Variants in CCDC7 observed in about 807,000 individuals in gnomAD.
CCDC7 encodes coiled-coil domain-containing protein 7.
A neutral mutation model predicts 196.9 loss-of-function variants in CCDC7; 183 were observed. That is an observed-to-expected ratio of 0.93 (90% confidence interval 0.82 to 1.05). The LOEUF (loss-of-function observed/expected upper bound fraction) is 1.05. Among genes scored for constraint, CCDC7 ranks in the 50% least tolerant of loss-of-function variants. The pLI, the probability that CCDC7 is intolerant of heterozygous loss-of-function variation, is 0.00. For missense variants in CCDC7, 1,540 were observed against 1,482.2 expected, an observed-to-expected ratio of 1.04 and a Z score of -0.64; for synonymous variants, 525 against 484.6, an observed-to-expected ratio of 1.08 and a Z score of -1.10.
At chr10:32,692,237 C>T (rs2077171525) in intron 23 of CCDC7, among the ~76,000 whole-genome samples, 1 of 152,122 alleles carries the variant, frequency 6.6e-6, no homozygotes, top group East Asian at 1.9e-4. Flanking sequence ...GAGTCTCCAA[C>T]TTTTTTGAGC....
chr10:32,846,303 T>A (rs2093289782), intron 36 of CCDC7, 73 bp from the exon 38 acceptor site: 3 of 877,528 alleles, frequency 3.4e-6, no homozygotes, highest in Admixed American at 4.8e-5. Flanking sequence ...TATAATTAGT[T>A]AAACACACAC....
chr10:32,830,666 A>G lies in CCDC7; in HGVS notation c.3269-4149A>G, dbSNP rs150123171. ...ATGTTTTAGTGCATGTAAAAAGGAA[A>G]TTCTAGCGTTGATAGTACAATAACT... On this transcript the variant is annotated intron_variant, in intron 32 of 41. Transcript: ENST00000639629. 2.5e-4 allele frequency among the ~76,000 whole-genome samples: 38 copies of G among 152,294 alleles called. No individual in the cohort carries two copies. In the East Asian group the frequency reaches 6.8e-3, roughly 27 times the overall value.
rs576920582 is a variant in CCDC7 at position 32,731,114 on chromosome 10, A to C, written c.2905+1657A>C. ...ACTGTCCATTTTCCTTATACTGTCT[A>C]TGTTATTAGATGTATACAAATAAAA... On this transcript the variant is annotated intron_variant, in intron 28 of 41. Transcript: ENST00000639629. 4.6e-5 allele frequency among the ~76,000 whole-genome samples: 7 copies of C among 152,132 alleles called. No individual in the cohort carries two copies. The South Asian group carries it at 1.5e-3, about 32-fold the overall frequency.
chr10:32,743,455 T>C lies in CCDC7; in HGVS notation c.2905+13998T>C, dbSNP rs560533795. Among the ~76,000 whole-genome samples the C allele has an allele frequency of 1.4e-3, 218 of 152,334 alleles. 1 individual carries two copies. Among genetic ancestry groups the C allele is most frequent in the African/African-American group, 5.0e-3 (207 of 41,580 alleles). On this transcript the variant is annotated intron_variant, in intron 28 of 41. Transcript: ENST00000639629. ...TGGCTTTTGCTGCCATTGCCTTTGG[T>C]GTTTTAGACATGAAGTCCTTGCCCA...
At chr10:32,860,452 G>C (rs2093937930) in intron 41 of CCDC7, among the ~76,000 whole-genome samples, 1 of 152,114 alleles carries the variant, frequency 6.6e-6, no homozygotes, top group Admixed American at 6.6e-5. Flanking sequence ...GCTACAGCCA[G>C]TATCACACTG....
intron 29 of CCDC7, among the ~76,000 whole-genome samples, chr10:32,795,390 T>G (rs1294127678): frequency 6.6e-6 from 1 of 152,200 alleles, no homozygotes; most frequent in Non-Finnish European, 1.5e-5. Flanking sequence ...GCAAATGTAT[T>G]TCTCAGCGCC....
chr10:32,486,351 T>C (rs547397158), intron 8 of CCDC7, among the ~76,000 whole-genome samples: 1 of 151,864 alleles, frequency 6.6e-6, no homozygotes, highest in African/African-American at 2.4e-5. Flanking sequence ...ATTTGCTTGG[T>C]AGATCTTCCT....
intron 12 of CCDC7, 30 bp from the exon 14 acceptor site, chr10:32,544,217 T>C (rs774581024): frequency 6.4e-7 from 1 of 1,565,880 alleles, no homozygotes; most frequent in East Asian, 2.3e-5. Flanking sequence ...AAAAATATCA[T>C]GATGCATTTT....
intron 21 of CCDC7, among the ~76,000 whole-genome samples, chr10:32,678,097 C>A (rs990829649): frequency 6.6e-6 from 1 of 152,022 alleles, no homozygotes; most frequent in African/African-American, 2.4e-5. Flanking sequence ...TTGAATCTCT[C>A]ATTTTTTGTT....
intron 3 of CCDC7, among the ~76,000 whole-genome samples, chr10:32,460,195 G>T (rs1443872074): frequency 1.3e-5 from 2 of 151,706 alleles, no homozygotes; most frequent in African/African-American, 4.8e-5. Context: ...TTTCAAACAG[G>T]GGCAAAATTT....
intron 18 of CCDC7, among the ~76,000 whole-genome samples, chr10:32,597,968 A>G (rs754379435): frequency 6.6e-6 from 1 of 152,162 alleles, no homozygotes; most frequent in Non-Finnish European, 1.5e-5. Context: ...CCACTTGAGG[A>G]GGCAGTCTGT....
chr10:32,510,354 A>G (rs928707993), intron 9 of CCDC7, among the ~76,000 whole-genome samples: 5 of 152,164 alleles, frequency 3.3e-5, no homozygotes, highest in South Asian at 2.1e-4. Context: ...TTGTAGATCT[A>G]TTATACAGCA....
chr10:32,873,904 GT>G (rs1220736029), intron 41 of CCDC7, among the ~76,000 whole-genome samples: 2 of 151,626 alleles, frequency 1.3e-5, no homozygotes, highest in Non-Finnish European at 2.9e-5. Context: ...TTGTCTGTCT[GT>G]CTTATGATAG....
At chr10:32,824,645 T>C (rs769219230) in intron 32 of CCDC7, 41 bp downstream of exon 33, 1 of 1,362,936 alleles carries the variant, frequency 7.3e-7, no homozygotes, top group Non-Finnish European at 1.0e-6. Flanking sequence ...TGGTTTCCTA[T>C]CTTCTCTGGA....
chr10:32,870,450 T>G (rs1474238881), intron 41 of CCDC7, among the ~76,000 whole-genome samples: 1 of 152,216 alleles, frequency 6.6e-6, no homozygotes, highest in Non-Finnish European at 1.5e-5. Context: ...TGATTTTGTA[T>G]CCTGAGACTT....
intron 41 of CCDC7, among the ~76,000 whole-genome samples, chr10:32,866,914 A>C (rs1354236307): frequency 6.6e-6 from 1 of 151,696 alleles, no homozygotes; most frequent in Non-Finnish European, 1.5e-5. Flanking sequence ...GAAAAAATAT[A>C]ACCCATTGAG....
At chr10:32,689,606 T>A (rs923958887) in intron 23 of CCDC7, among the ~76,000 whole-genome samples, 1 of 152,148 alleles carries the variant, frequency 6.6e-6, no homozygotes, top group African/African-American at 2.4e-5. Context: ...CTCTAGGGCA[T>A]CCTTTTGGTC....
chr10:32,666,561 G>GATATTGGCTGTGGATTTGTCATAGATAGC (rs1304421584), intron 21 of CCDC7, among the ~76,000 whole-genome samples: 1 of 140,922 alleles, frequency 7.1e-6, no homozygotes, highest in African/African-American at 2.7e-5. Context: ...AGTGTGTGAT[G>GATATTGGCTGTGGATTTGTCATAGATAGC]TTCCCCTTCC....
intron 32 of CCDC7, among the ~76,000 whole-genome samples, chr10:32,828,754 A>G (rs1436107418): frequency 6.6e-6 from 1 of 152,062 alleles, no homozygotes; most frequent in Non-Finnish European, 1.5e-5. Context: ...CATCCAATAT[A>G]TGTTACTGTT....
Sources: gnomAD v4.1 joint callset for allele counts (sites outside exome capture counted in the v4.1 genomes callset) on GRCh38, gnomAD v4.1.1 for gene constraint, MANE v1.5 for transcripts, NCBI Gene and HGNC (gene_info 2026-07-23, HGNC 2026-07-21) for gene names.